The following SLC12A7 variants were observed in gnomAD, a reference collection of about 807,000 sequenced individuals.
SLC12A7 encodes the protein K-Cl cotransporter 4.
Under a neutral mutation model 120.6 loss-of-function variants are expected in SLC12A7, and 100 were observed. The observed-to-expected ratio is 0.83, with a 90% confidence interval of 0.71 to 0.98. The LOEUF is 0.98. SLC12A7 is among the 50% of genes least tolerant of loss of function. The pLI is 0.00. For synonymous variants in SLC12A7, 760 were observed against 678.0 expected, an observed-to-expected ratio of 1.12 and a Z score of -1.88; for missense variants, 1,373 against 1,548.1, an observed-to-expected ratio of 0.89 and a Z score of 1.90.
At chr5:1,089,218 A>C (rs1740229983) in intron 3 of SLC12A7, 90 bp from the exon 4 acceptor site, 1 of 1,472,142 alleles carries the variant, frequency 6.8e-7, no homozygotes. Context: ...CTGGGCAGGC[A>C]AAGCGGCCGT....
chr5:1,095,993 A>T (rs547721595), intron 1 of SLC12A7, among the ~76,000 whole-genome samples: 11 of 152,322 alleles, frequency 7.2e-5, no homozygotes, highest in African/African-American at 2.2e-4. Context: ...TCAGGGAGAC[A>T]ACTCAGAGGA....
chr5:1,108,260 G>A (rs549036040), intron 1 of SLC12A7, among the ~76,000 whole-genome samples: 12 of 152,366 alleles, frequency 7.9e-5, no homozygotes, highest in Admixed American at 4.6e-4. Context: ...GCCTCTTGCC[G>A]GGAGACAGCC....
At chr5:1,118,685 G>A in the SLC12A7 span, among the ~76,000 whole-genome samples, 1 of 152,226 alleles carries the variant, frequency 6.6e-6, no homozygotes, top group African/African-American at 2.4e-5. Context: ...CCTGACGTAG[G>A]CCTCAGAGAG....
intron 18 of SLC12A7, among the ~76,000 whole-genome samples, chr5:1,064,922 T>C (rs1299208899): frequency 2.8e-5 from 2 of 72,082 alleles, no homozygotes; most frequent in South Asian, 5.3e-4. Context: ...GGCGAGGAGA[T>C]GGTGAGGGGA....
intron 17 of SLC12A7, 87 bp downstream of exon 17, chr5:1,073,546 C>CA: frequency 7.1e-7 from 1 of 1,416,788 alleles, no homozygotes; most frequent in Non-Finnish European, 9.6e-7. Context: ...ACCGTGTTGA[C>CA]ACGCTGCGAT....
intron 17 of SLC12A7, among the ~76,000 whole-genome samples, chr5:1,070,005 GCCCCCAGCACACGGGCA>G (rs1737504786): frequency 7.9e-5 from 6 of 75,998 alleles, no homozygotes; most frequent in Non-Finnish European, 1.2e-4. Flanking sequence ...CCCCCAGTGA[GCCCCCAGCACACGGGCA>G]TCACACTTAT....
chr5:1,078,839 G>A (rs1738667776), intron 10 of SLC12A7, 81 bp from the exon 11 acceptor site: 7 of 638,708 alleles, frequency 1.1e-5, no homozygotes, highest in South Asian at 9.2e-5. Context: ...GGGGTGGGGT[G>A]GGTGGGGAGA....
intron 1 of SLC12A7, among the ~76,000 whole-genome samples, chr5:1,110,649 C>T (rs1350816032): frequency 6.6e-6 from 1 of 152,274 alleles, no homozygotes; most frequent in Non-Finnish European, 1.5e-5. Context: ...AGGGCCCACA[C>T]TCCTTGGTGC....
chr5:1,089,808 C>T (rs1579402781), intron 3 of SLC12A7, among the ~76,000 whole-genome samples: 2 of 152,218 alleles, frequency 1.3e-5, no homozygotes, highest in African/African-American at 4.8e-5. Flanking sequence ...GCAGCACAGC[C>T]AGGAGCAGGC....
At position 1,051,007 on chromosome 5, in the gene SLC12A7, T is replaced by C. The variant is rs747021761; in HGVS notation, c.*1353A>G. 14 of 398,440 alleles carry C rather than the reference T, an allele frequency of 3.5e-5. No individual in the cohort carries two copies. Among genetic ancestry groups the C allele is most frequent in the Non-Finnish European group, 5.8e-5 (13 of 226,038 alleles). 24.7% of individuals were successfully genotyped at this position (398,440 alleles called of 1,614,324 possible). A position where few individuals can be genotyped will look rare whatever the true frequency, so the allele number is the denominator to read the frequency against. On this transcript the variant is annotated 3_prime_UTR_variant, in exon 24 of 24. Transcript: ENST00000264930. ...CCTCTAGTATATAGAAGCAACCTCTTTATGGACAACCTTGTTACCACGTAA... is the reference window on the plus strand; with the variant it reads ...CCTCTAGTATATAGAAGCAACCTCTCTATGGACAACCTTGTTACCACGTAA...
At position 1,057,623 on chromosome 5, in the gene SLC12A7, G is replaced by C; in HGVS notation, c.2874C>G (p.Thr958=). The part of the protein sequence containing the change: ...REAQLIHDRN[T]ASHTAAAART... ...TGGCTGCCGCCGCGGTGTGGGACGCGGTGTTCCTGTCGTGGATCAGCTGGG... is the reference window on the plus strand; with the variant it reads ...TGGCTGCCGCCGCGGTGTGGGACGCCGTGTTCCTGTCGTGGATCAGCTGGG... Residue 958 remains threonine, a synonymous_variant, in exon 22 of 24, where the codon ACC becomes ACG. Coordinates refer to ENST00000264930, the MANE Select transcript of SLC12A7 (RefSeq NM_006598.3). 1 of 1,603,204 alleles carries C rather than the reference G, an allele frequency of 6.2e-7. No individual in the cohort carries two copies.
At chr5:1,058,306 T>TA (rs1735840647) in intron 21 of SLC12A7, among the ~76,000 whole-genome samples, 1 of 152,256 alleles carries the variant, frequency 6.6e-6, no homozygotes, top group Admixed American at 6.5e-5. Context: ...CCCTGGTGGT[T>TA]AAACACCCTC....
intron 1 of SLC12A7, among the ~76,000 whole-genome samples, chr5:1,096,432 G>C (rs962036323): frequency 6.6e-6 from 1 of 152,074 alleles, no homozygotes; most frequent in African/African-American, 2.4e-5. Context: ...TTTCAACTAA[G>C]AAAATATGTC....
chr5:1,128,511 G>C, the SLC12A7 span, among the ~76,000 whole-genome samples: 1 of 152,222 alleles, frequency 6.6e-6, no homozygotes, highest in African/African-American at 2.4e-5. Flanking sequence ...GTTGATGGAA[G>C]GTTCTAGAAT....
At chr5:1,080,238 ACCAGGAGC>A (rs1561068574) in intron 9 of SLC12A7, among the ~76,000 whole-genome samples, 4 of 2,748 alleles carry the variant, frequency 1.5e-3, no homozygotes, top group East Asian at 0.05. Flanking sequence ...GCGCGGAGAC[ACCAGGAGC>A]CACGCAGAGG....
the SLC12A7 span, among the ~76,000 whole-genome samples, chr5:1,148,138 T>C: frequency 6.6e-6 from 1 of 151,998 alleles, no homozygotes; most frequent in Non-Finnish European, 1.5e-5. Flanking sequence ...TCACATTGGC[T>C]CAGAATAAAC....
At position 1,073,641 on chromosome 5, in the gene SLC12A7, C is replaced by T; in HGVS notation, c.2233G>A (p.Ala745Thr). 2 of 1,602,766 alleles carry T rather than the reference C, an allele frequency of 1.2e-6. No individual in the cohort carries two copies. The highest frequency in any genetic ancestry group is 2.2e-5 in the South Asian group (2 of 90,364). Residue 745 changes from alanine to threonine, a missense_variant, in exon 17 of 24, where the codon GCC becomes ACC. Transcript: ENST00000264930. ...YLDKHMEAQR[A>T]EENIRSLMST... ...GACCCCGCCCGGCCCACCTCCTCGG[C>T]CCGCTGAGCCTCCATGTGCTTGTCC...
At chr5:1,093,862 C>T (rs1438282680) in intron 2 of SLC12A7, among the ~76,000 whole-genome samples, 1 of 152,190 alleles carries the variant, frequency 6.6e-6, no homozygotes, top group Non-Finnish European at 1.5e-5. Flanking sequence ...GCCACCCACC[C>T]ATGGCAGGGA....
At chr5:1,060,938 T>A (rs1579318642) in intron 20 of SLC12A7, among the ~76,000 whole-genome samples, 1 of 152,084 alleles carries the variant, frequency 6.6e-6, no homozygotes, top group South Asian at 2.1e-4. Context: ...GCGGGACCCC[T>A]GCGCCTCACC....
Sources: gnomAD v4.1 joint callset for allele counts (sites outside exome capture counted in the v4.1 genomes callset) on GRCh38, gnomAD v4.1.1 for gene constraint, MANE v1.5 for transcripts, NCBI Gene and HGNC (gene_info 2026-07-23, HGNC 2026-07-21) for gene names.